Variants in CACNB2 observed in about 807,000 individuals in gnomAD.
CACNB2 encodes voltage-dependent L-type calcium channel subunit beta-2.
A neutral mutation model predicts 73.3 loss-of-function variants in CACNB2; 42 were observed. That is an observed-to-expected ratio of 0.57 (90% CI 0.45 to 0.74). The LOEUF (loss-of-function observed/expected upper bound fraction) is 0.74, where lower values mean the gene tolerates loss of function less well. CACNB2 is among the 30% of genes least tolerant of loss of function. The pLI is 0.00. For missense variants in CACNB2, 940 were observed against 853.0 expected, an observed-to-expected ratio of 1.10 and a Z score of -1.27; for synonymous variants, 348 against 310.3, an observed-to-expected ratio of 1.12 and a Z score of -1.28.
At chr10:18,220,252 G>A (rs1467852767) in intron 2 of CACNB2, among the ~76,000 whole-genome samples, 1 of 119,128 alleles carries the variant, frequency 8.4e-6, no homozygotes, top group Non-Finnish European at 1.7e-5. Flanking sequence ...GAGAGAGAGA[G>A]AGAGAGAGAG....
intron 2 of CACNB2, among the ~76,000 whole-genome samples, chr10:18,388,520 C>G (rs2043329414): frequency 6.6e-6 from 1 of 152,108 alleles, no homozygotes; most frequent in South Asian, 2.1e-4. Flanking sequence ...TGGCATTTTT[C>G]CAGACAAATC....
rs144751964 is a variant in CACNB2 at position 18,419,248 on chromosome 10, C to T, written c.333+17205C>T. Reference sequence around the variant, plus strand: ...AGTAGCCTGAGGATTCAATAGGTCACATAATGGATATGCAAAATGGAGTAT... The same window carrying T: ...AGTAGCCTGAGGATTCAATAGGTCATATAATGGATATGCAAAATGGAGTAT... On this transcript the variant is annotated intron_variant, in intron 3 of 13. Transcript: ENST00000324631. Among the ~76,000 whole-genome samples the T allele has an allele frequency of 5.3e-5, 8 of 152,278 alleles. No homozygotes were observed. In the East Asian group the frequency reaches 1.2e-3, roughly 22 times the overall value.
intron 1 of CACNB2, among the ~76,000 whole-genome samples, chr10:18,145,002 G>C (rs775486796): frequency 3.3e-5 from 5 of 152,190 alleles, no homozygotes; most frequent in Admixed American, 6.5e-5. Context: ...GGAGTAACAA[G>C]AACAGTATCT....
At chr10:18,144,844 T>C (rs777669932) in intron 1 of CACNB2, among the ~76,000 whole-genome samples, 4 of 152,172 alleles carry the variant, frequency 2.6e-5, no homozygotes, top group Non-Finnish European at 5.9e-5. Context: ...AAAATTTCAG[T>C]GATATATTTG....
intron 10 of CACNB2, chr10:18,531,714 G>T (rs1416632190): frequency 2.0e-5 from 3 of 152,094 alleles, no homozygotes; most frequent in African/African-American, 7.2e-5. Context: ...TCTAACTGGT[G>T]GGAGATGGTA....
intron 2 of CACNB2, among the ~76,000 whole-genome samples, chr10:18,267,198 T>C (rs113801663): frequency 6.6e-6 from 1 of 151,520 alleles, no homozygotes. Flanking sequence ...GAACTGCATT[T>C]TTTTTTTATT....
At chr10:18,344,728 C>T (rs1004773619) in intron 2 of CACNB2, among the ~76,000 whole-genome samples, 1 of 152,124 alleles carries the variant, frequency 6.6e-6, no homozygotes, top group Non-Finnish European at 1.5e-5. Context: ...GGGGCAGTGG[C>T]TCATGCCTGA....
chr10:18,392,307 A>C (rs1268151210), intron 2 of CACNB2, among the ~76,000 whole-genome samples: 1 of 152,194 alleles, frequency 6.6e-6, no homozygotes, highest in Non-Finnish European at 1.5e-5. Flanking sequence ...GTTTCTTGGA[A>C]GTCAAGTTGA....
Position 18,401,997 on chromosome 10 carries a change from G to T in CACNB2, c.287G>T (p.Arg96Leu), listed in dbSNP as rs776194653. ...CTGGAGGAGGACCGGGAGGCAGTGC[G>T]CAGAGAAGCGGAGCGGCAGGCCCAG... ...VSLEEDREAV[R>L]REAERQAQAQ... Residue 96 changes from arginine to leucine, a missense_variant, in exon 3 of 14, where the codon CGC becomes CTC. Coordinates refer to ENST00000324631, the MANE Select transcript of CACNB2 (RefSeq NM_201596.3). 47 of 1,613,920 alleles carry T rather than the reference G, an allele frequency of 2.9e-5. No individual in the cohort carries two copies. Among genetic ancestry groups the T allele is most frequent in the Non-Finnish European group, 4.0e-5 (47 of 1,179,948 alleles).
At chr10:18,388,662 A>G (rs2043336463) in intron 2 of CACNB2, among the ~76,000 whole-genome samples, 1 of 152,228 alleles carries the variant, frequency 6.6e-6, no homozygotes, top group Non-Finnish European at 1.5e-5. Flanking sequence ...TGGCCTGCTT[A>G]AGTACCTAAC....
At chr10:18,295,336 A>AT (rs1018801955) in intron 2 of CACNB2, among the ~76,000 whole-genome samples, 29 of 152,328 alleles carry the variant, frequency 1.9e-4, no homozygotes, top group African/African-American at 7.0e-4. Context: ...TGACAACTGC[A>AT]TAGACCCCTA....
intron 2 of CACNB2, among the ~76,000 whole-genome samples, chr10:18,382,373 T>C (rs1435653480): frequency 6.6e-6 from 1 of 152,126 alleles, no homozygotes. Flanking sequence ...TGCCTCTTTT[T>C]TTAAAATTTT....
intron 3 of CACNB2, among the ~76,000 whole-genome samples, chr10:18,444,438 G>T (rs1300407814): frequency 1.3e-5 from 2 of 152,132 alleles, no homozygotes; most frequent in African/African-American, 4.8e-5. Context: ...TTTATACAAA[G>T]AGCTTACCAT....
chr10:18,171,861 A>G (rs1286468433), intron 2 of CACNB2, among the ~76,000 whole-genome samples: 1 of 152,192 alleles, frequency 6.6e-6, no homozygotes, highest in South Asian at 2.1e-4. Flanking sequence ...CTGTTATTAC[A>G]TCAATGCTTA....
intron 3 of CACNB2, among the ~76,000 whole-genome samples, chr10:18,480,548 C>G (rs2048671488): frequency 6.6e-6 from 1 of 152,166 alleles, no homozygotes; most frequent in Non-Finnish European, 1.5e-5. Context: ...GTTCCCACTG[C>G]CAAGAAAGTA....
At chr10:18,536,387 C>CAGCTGAGACTATAGGTGCATGCCA (rs1212516952) in intron 12 of CACNB2, among the ~76,000 whole-genome samples, 191 bp downstream of exon 12, 4 of 150,382 alleles carry the variant, frequency 2.7e-5, no homozygotes, top group African/African-American at 9.8e-5. Context: ...GCCTTCCAAG[C>CAGCTGAGACTATAGGTGCATGCCA]AGCTGAGACT....
intron 2 of CACNB2, among the ~76,000 whole-genome samples, chr10:18,251,300 G>A (rs1410174697): frequency 6.6e-6 from 1 of 151,416 alleles, no homozygotes; most frequent in Non-Finnish European, 1.5e-5. Flanking sequence ...GCTGGAATGT[G>A]ATGGCATGAT....
chr10:18,243,618 G>A (rs573172042), intron 2 of CACNB2, among the ~76,000 whole-genome samples: 7 of 152,162 alleles, frequency 4.6e-5, no homozygotes, highest in Admixed American at 2.0e-4. Flanking sequence ...GCCCTTCCTC[G>A]GGGATGAGTG....
At chr10:18,323,111 G>A (rs1471870777) in intron 2 of CACNB2, among the ~76,000 whole-genome samples, 13 of 151,532 alleles carry the variant, frequency 8.6e-5, no homozygotes, top group Admixed American at 8.6e-4. Context: ...ACAGGCACAT[G>A]CCACCACACC....
Sources: allele counts gnomAD v4.1 joint callset (sites outside exome capture counted in the v4.1 genomes callset), GRCh38; gene constraint gnomAD v4.1.1; transcripts MANE v1.5; gene names NCBI Gene and HGNC (gene_info 2026-07-23, HGNC 2026-07-21).